PRIM2: variants seen among roughly 807,000 people sequenced by gnomAD.
PRIM2 encodes the protein DNA primase subunit 2.
PRIM2 carries 39 observed loss-of-function variants against 67.3 expected under a neutral mutation model. The ratio of observed to expected loss-of-function variants is 0.58; its 90% CI spans 0.45 to 0.76. The LOEUF is 0.76. PRIM2 is among the 30% of genes least tolerant of loss of function. The pLI is 0.00. For missense variants in PRIM2, 398 were observed against 598.7 expected, an observed-to-expected ratio of 0.66 and a Z score of 3.50; for synonymous variants, 143 against 198.7, an observed-to-expected ratio of 0.72 and a Z score of 2.36.
intron 5 of PRIM2, among the ~76,000 whole-genome samples, chr6:57,344,336 AT>A (rs1033640134): frequency 1.4e-4 from 22 of 152,036 alleles, no homozygotes; most frequent in South Asian, 1.0e-3. Flanking sequence ...TTGAGTAATT[AT>A]TTTTTTTCAA....
chr6:57,546,819 A>G (rs1775298122), intron 10 of PRIM2, among the ~76,000 whole-genome samples: 2 of 152,206 alleles, frequency 1.3e-5, no homozygotes, highest in Non-Finnish European at 2.9e-5. Context: ...CTTATAGCAA[A>G]CCAATTGCTT....
intron 5 of PRIM2, among the ~76,000 whole-genome samples, chr6:57,366,092 C>T (rs1167903169): frequency 1.3e-5 from 2 of 151,328 alleles, no homozygotes; most frequent in Middle Eastern, 3.2e-3. Flanking sequence ...ACTGTATCTT[C>T]AAGCAGACAG....
intron 7 of PRIM2, among the ~76,000 whole-genome samples, chr6:57,499,164 A>G (rs1774073847): frequency 6.6e-6 from 1 of 152,224 alleles, no homozygotes; most frequent in African/African-American, 2.4e-5. Context: ...CTAATCTATA[A>G]TTGCTTAAAA....
At chr6:57,309,943 G>A (rs1581779482), upstream of PRIM2, among the ~76,000 whole-genome samples, 1 of 152,132 alleles carries the variant, frequency 6.6e-6, no homozygotes, top group South Asian at 2.1e-4. Context: ...ATTGACAAAT[G>A]GGATCTAATT....
the PRIM2 span, among the ~76,000 whole-genome samples, chr6:57,267,316 T>C: frequency 1.3e-5 from 2 of 152,182 alleles, no homozygotes; most frequent in South Asian, 4.1e-4. Context: ...AGTAGTTTAC[T>C]TGGGAGGTGA....
At chr6:57,337,623 T>G (rs1306416332) in intron 5 of PRIM2, among the ~76,000 whole-genome samples, 1 of 152,054 alleles carries the variant, frequency 6.6e-6, no homozygotes, top group African/African-American at 2.4e-5. Flanking sequence ...GGGTATATAA[T>G]GAAATGAAGG....
the PRIM2 span, among the ~76,000 whole-genome samples, chr6:57,304,336 G>T: frequency 6.6e-6 from 1 of 152,158 alleles, no homozygotes; most frequent in African/African-American, 2.4e-5. Flanking sequence ...GAAAACTGTA[G>T]CATGCTTTAC....
At chr6:57,394,585 A>C (rs1180238397) in intron 7 of PRIM2, among the ~76,000 whole-genome samples, 1 of 152,042 alleles carries the variant, frequency 6.6e-6, no homozygotes, top group Non-Finnish European at 1.5e-5. Flanking sequence ...TAGGGTTTCC[A>C]AGGTAAACGA....
chr6:57,522,124 T>C (rs1212702181), intron 8 of PRIM2, among the ~76,000 whole-genome samples: 63 of 152,102 alleles, frequency 4.1e-4, no homozygotes, highest in Non-Finnish European at 6.0e-4. Context: ...TCCCTAATAG[T>C]ATAAATGGCA....
At chr6:57,469,902 T>C (rs1276497754) in intron 7 of PRIM2, among the ~76,000 whole-genome samples, 1 of 152,206 alleles carries the variant, frequency 6.6e-6, no homozygotes, top group Non-Finnish European at 1.5e-5. Flanking sequence ...TGCCCACATT[T>C]GAACATACTT....
chr6:57,225,915 T>C, the PRIM2 span, among the ~76,000 whole-genome samples: 1 of 152,206 alleles, frequency 6.6e-6, no homozygotes. Context: ...CAGATCATGC[T>C]GGAAAAAAAA....
chr6:57,295,611 T>C, the PRIM2 span, among the ~76,000 whole-genome samples: 2 of 152,164 alleles, frequency 1.3e-5, no homozygotes, highest in Admixed American at 1.3e-4. Context: ...AGAAATAAAA[T>C]GTATGGAGGT....
the PRIM2 span, among the ~76,000 whole-genome samples, chr6:57,235,631 C>A: frequency 1.3e-5 from 2 of 152,180 alleles, no homozygotes; most frequent in Non-Finnish European, 2.9e-5. Flanking sequence ...ATCCTTGAAA[C>A]CTGTGATTAT....
At chr6:57,227,297 T>G in the PRIM2 span, among the ~76,000 whole-genome samples, 8 of 152,324 alleles carry the variant, frequency 5.3e-5, no homozygotes, top group African/African-American at 1.7e-4. Flanking sequence ...ATCTGATGCA[T>G]TTTCAAGAGC....
intron 13 of PRIM2, among the ~76,000 whole-genome samples, chr6:57,635,919 T>A (rs1222975050): frequency 3.9e-5 from 6 of 152,196 alleles, no homozygotes; most frequent in Non-Finnish European, 8.8e-5. Flanking sequence ...CTTTTTAAAA[T>A]TTTCAGTGGC....
At chr6:57,305,465 A>T in the PRIM2 span, among the ~76,000 whole-genome samples, 1 of 152,206 alleles carries the variant, frequency 6.6e-6, no homozygotes, top group African/African-American at 2.4e-5. Flanking sequence ...ATGATCAAAT[A>T]ATCAGTCTCA....
chr6:57,296,053 C>T, the PRIM2 span, among the ~76,000 whole-genome samples: 1 of 151,986 alleles, frequency 6.6e-6, no homozygotes, highest in Non-Finnish European at 1.5e-5. Flanking sequence ...GGAGAGGGGA[C>T]CTGAAATGGA....
intron 7 of PRIM2, among the ~76,000 whole-genome samples, chr6:57,500,315 G>C (rs1385213475): frequency 9.9e-5 from 15 of 152,180 alleles, no homozygotes; most frequent in African/African-American, 3.6e-4. Flanking sequence ...TAGAAAATAA[G>C]TCAGTTTTCA....
At chr6:57,490,376 A>C (rs1554345873) in intron 7 of PRIM2, among the ~76,000 whole-genome samples, 2 of 152,072 alleles carry the variant, frequency 1.3e-5, no homozygotes, top group African/African-American at 2.4e-5. Context: ...CATTTTTTTC[A>C]TGTATGTTTC....
Sources: gnomAD v4.1 joint callset for allele counts (sites outside exome capture counted in the v4.1 genomes callset) on GRCh38, gnomAD v4.1.1 for gene constraint, MANE v1.5 for transcripts, NCBI Gene and HGNC (gene_info 2026-07-23, HGNC 2026-07-21) for gene names.